The following TRIP10 variants were observed in gnomAD, a reference collection of about 807,000 sequenced individuals.
TRIP10 encodes the protein cdc42-interacting protein 4.
TRIP10 carries 54 observed loss-of-function variants against 80.9 expected under a neutral mutation model. The observed-to-expected ratio is 0.67, with a 90% CI of 0.54 to 0.84. The LOEUF (loss-of-function observed/expected upper bound fraction) is 0.84. Among genes scored for constraint, TRIP10 ranks in the 40% least tolerant of loss-of-function variants. The pLI, the probability that TRIP10 is intolerant of heterozygous loss-of-function variation, is 0.00. For missense variants in TRIP10, 773 were observed against 815.3 expected (o/e 0.95, Z 0.63); for synonymous variants, 321 against 307.2 (o/e 1.04, Z -0.47).
At position 6,745,085 on chromosome 19, in the gene TRIP10, CG is replaced by C. The variant is rs1463191547; in HGVS notation, c.984+92del. 6 of 1,450,290 alleles carry C rather than the reference CG, an allele frequency of 4.1e-6. No individual in the cohort carries two copies. In the African/African-American group the frequency reaches 8.5e-5, roughly 21 times the overall value. The allele number at this position is 1,450,290 out of a possible 1,614,324, so 89.8% of individuals were successfully genotyped here. A position where few individuals can be genotyped will look rare whatever the true frequency, so the allele number is the denominator to read the frequency against. ...ATTGAGTCAGCCCCAGCCGCCTGAA[CG>C]CCGAGTCTCGGGCAGGAATTTTCCT... On this transcript the variant is annotated intron_variant, in intron 9 of 14. Transcript: ENST00000313244. This position sits in a 1 kb window ranked among gnomAD's most constrained non-coding sequence, Gnocchi z 7.2.
chr19:6,750,608 C>G lies in TRIP10; in HGVS notation c.1632C>G (p.His544Gln). The G allele has an allele frequency of 6.2e-7, 1 of 1,614,224 alleles. No individual in the cohort carries two copies. Among genetic ancestry groups the G allele is most frequent in the Non-Finnish European group, 8.5e-7 (1 of 1,180,028 alleles). Residue 544 changes from histidine to glutamine, a missense_variant, in exon 14 of 15, where the codon CAC (histidine) becomes CAG (glutamine). Coordinates refer to ENST00000313244, the MANE Select transcript of TRIP10 (RefSeq NM_001288962.2). The part of the protein sequence containing the change: ...FEEEPTSPIG[H>Q]CVAIYHFEGS... ...AGGAACCCACATCCCCCATAGGTCA[C>G]TGTGTGGCCATCTACCACTTTGAAG...
In TRIP10 at chr19:6,745,098, G is replaced by A; in HGVS notation, c.984+104G>A. ...CAGCCGCCTGAACGCCGAGTCTCGG[G>A]CAGGAATTTTCCTCTTGGCTGCCAG... On this transcript the variant is annotated intron_variant, in intron 9 of 14. Coordinates refer to ENST00000313244, the MANE Select transcript of TRIP10 (RefSeq NM_001288962.2). This position sits in a 1 kb window ranked among gnomAD's most constrained non-coding sequence, Gnocchi z 7.2. The A allele has an allele frequency of 7.1e-7, 1 of 1,401,010 alleles. No homozygotes were observed. Among genetic ancestry groups the A allele is most frequent in the Non-Finnish European group, 9.4e-7 (1 of 1,062,796 alleles). 86.8% of individuals were successfully genotyped at this position (1,401,010 alleles called of 1,614,324 possible). A position where few individuals can be genotyped will look rare whatever the true frequency, so the allele number is the denominator to read the frequency against.
At chr19:6,743,621 G>GGGGGGGGGGA in intron 6 of TRIP10, 23 bp downstream of exon 6, 1 of 1,379,036 alleles carries the variant, frequency 7.3e-7, no homozygotes, top group Non-Finnish European at 1.0e-6. Context: ...GGGGCGGGGG[G>GGGGGGGGGGA]GGGGTGCGGG....
rs1968968858 is a variant in TRIP10 at position 6,743,045 on chromosome 19, G to A, written c.276G>A (p.Glu92=). 3 of 1,614,174 alleles carry A rather than the reference G, an allele frequency of 1.9e-6. No individual in the cohort carries two copies. The highest frequency in any genetic ancestry group is 4.5e-5 in the East Asian group (2 of 44,872). Reference sequence around the variant, plus strand: ...CAGGCCAGCGGGAGCTGGTGGCTGAGAACCTCAGTGTCCGTGTATGTCTTG... The same window carrying A: ...CAGGCCAGCGGGAGCTGGTGGCTGAAAACCTCAGTGTCCGTGTATGTCTTG... ...DFAGQRELVA[E]NLSVRVCLEL... is the part of the protein sequence containing the mutation. The change falls in exon 4 of 15, where the codon GAG becomes GAA. Residue 92 remains glutamate, a synonymous_variant. Coordinates refer to ENST00000313244, the MANE Select transcript of TRIP10 (RefSeq NM_001288962.2).
intron 3 of TRIP10, among the ~76,000 whole-genome samples, 187 bp from the exon 4 acceptor site, chr19:6,742,779 CA>C (rs151261595): frequency 0.021 from 2,570 of 121,650 alleles, 22 homozygotes; most frequent in Non-Finnish European, 0.027. Context: ...GACCCTGTCT[CA>C]AAAAAAAAAA....
At chr19:6,747,273 G>A (rs1969165079) in intron 11 of TRIP10, among the ~76,000 whole-genome samples, 1 of 151,980 alleles carries the variant, frequency 6.6e-6, no homozygotes, top group South Asian at 2.1e-4. Flanking sequence ...ACAGTGAGCT[G>A]TGACTGCACC....
In TRIP10 at chr19:6,751,347, C is replaced by A; in HGVS notation, c.*136C>A. 6.7e-7 allele frequency: 1 copy of A among 1,488,348 alleles called. No individual in the cohort carries two copies. The highest frequency in any genetic ancestry group is 9.0e-7 in the Non-Finnish European group (1 of 1,112,444). The allele number at this position is 1,488,348 out of a possible 1,614,324, so 92.2% of individuals were successfully genotyped here. A position where few individuals can be genotyped will look rare whatever the true frequency, so the allele number is the denominator to read the frequency against. ...TGTAACCTGCTGCCCCCTCCACCCC[C>A]AACCCAGTCCTACCTGTCACACCGG... is the stretch of plus-strand genomic sequence containing the variant. On this transcript the variant is annotated 3_prime_UTR_variant, in exon 15 of 15. Coordinates refer to ENST00000313244, the MANE Select transcript of TRIP10 (RefSeq NM_001288962.2).
chr19:6,741,122 T>C lies in TRIP10; in HGVS notation c.137T>C (p.Leu46Pro). Residue 46 changes from leucine (L) to proline (P), a missense_variant, in exon 2 of 15, where the codon CTG (leucine) becomes CCG (proline). By Grantham distance (98) the Leu-to-Pro change is moderately conservative. Coordinates refer to ENST00000313244, the MANE Select transcript of TRIP10 (RefSeq NM_001288962.2). The part of the protein sequence containing the change: ...TEVEQAYAKQ[L>P]RSLVKKYLPK... ...GTGGAACAGGCTTACGCCAAACAAC[T>C]GCGGTGAGACCCTGGGGTGGACGCT... 6.2e-7 allele frequency: 1 copy of C among 1,614,118 alleles called. No individual in the cohort carries two copies.
chr19:6,746,056 G>C lies in TRIP10; in HGVS notation c.1012G>C (p.Gly338Arg). The C allele has an allele frequency of 1.5e-6, 2 of 1,326,340 alleles. No individual in the cohort carries two copies. Among genetic ancestry groups the C allele is most frequent in the Non-Finnish European group, 9.7e-7 (1 of 1,031,128 alleles). The allele number at this position is 1,326,340 out of a possible 1,614,324, so 82.2% of individuals were successfully genotyped here. ...TCGCCCCCCACCCCTCTCCCCCCTG[G>C]GGGGCCCCGTACCCTCGGCATTGCC... is the stretch of plus-strand genomic sequence containing the variant. ...KPRPPPLSPL[G>R]GPVPSALPNG... is the part of the protein sequence containing the mutation. The change falls in exon 10 of 15, where the codon GGG (glycine) becomes CGG (arginine). Residue 338 changes from glycine (G) to arginine (R), a missense_variant. By Grantham distance (125) the Gly-to-Arg change is moderately radical (BLOSUM62 -2). Coordinates refer to ENST00000313244, the MANE Select transcript of TRIP10 (RefSeq NM_001288962.2). The surrounding 1 kb of genome is among the most constrained non-coding windows in gnomAD (Gnocchi z 6.2).
At chr19:6,742,899 C>A in intron 3 of TRIP10, 68 bp from the exon 4 acceptor site, 1 of 1,586,206 alleles carries the variant, frequency 6.3e-7, no homozygotes, top group Non-Finnish European at 8.6e-7. Context: ...GGAGGTGCGT[C>A]CTGGGGCATC....
At chr19:6,749,199 C>T (rs181235814) in intron 11 of TRIP10, among the ~76,000 whole-genome samples, 3 of 152,278 alleles carry the variant, frequency 2.0e-5, no homozygotes, top group Admixed American at 1.3e-4. Flanking sequence ...ACCTCAGCCT[C>T]CCAAAATAAT....
In TRIP10 at chr19:6,751,525, G is replaced by A. The variant is rs1969309181; in HGVS notation, c.*314G>A. 1 of 508,802 alleles carries A rather than the reference G, an allele frequency of 2.0e-6. No homozygotes were observed. Among genetic ancestry groups the A allele is most frequent in the Non-Finnish European group, 3.1e-6 (1 of 321,864 alleles). The allele number at this position is 508,802 out of a possible 1,614,324, so 31.5% of individuals were successfully genotyped here. On this transcript the variant is annotated 3_prime_UTR_variant, in exon 15 of 15. Coordinates refer to ENST00000313244, the MANE Select transcript of TRIP10 (RefSeq NM_001288962.2). ...ATTATATAAAGTTCCTAGAGTCGGT[G>A]TCTTATTAGAGGATTTAAATACTGG...
chr19:6,740,214 A>C (rs1968868828), intron 1 of TRIP10, among the ~76,000 whole-genome samples: 1 of 152,086 alleles, frequency 6.6e-6, no homozygotes, highest in African/African-American at 2.4e-5. Context: ...AGAAGTCCTG[A>C]CCGCCCTTTC....
In TRIP10 at chr19:6,750,321, C is replaced by G. The variant is rs1969248905; in HGVS notation, c.1425C>G (p.Val475=). 2 of 1,614,086 alleles carry G rather than the reference C, an allele frequency of 1.2e-6. No individual in the cohort carries two copies. Among genetic ancestry groups the G allele is most frequent in the East Asian group, 4.5e-5 (2 of 44,858 alleles). Reference sequence around the variant, plus strand: ...GGCTGGCAGAAGCTGAAAGTCGAGTCCTTAGCAACCGGGGAGACAGCCTGA... The same window carrying G: ...GGCTGGCAGAAGCTGAAAGTCGAGTGCTTAGCAACCGGGGAGACAGCCTGA... ...EAWLAEAESR[V]LSNRGDSLSR... is the part of the protein sequence containing the mutation. The change falls in exon 13 of 15, where the codon GTC becomes GTG. Residue 475 remains valine (V), a synonymous_variant. Transcript: ENST00000313244.
In TRIP10 at chr19:6,744,744, G is replaced by A. The variant is rs1568252196; in HGVS notation, c.789+44G>A. ...TCCACTGGGCTACGGGAAGGGCAGAGGGAGGTACCCATAGGCTAGGCACTC... is the reference window on the plus strand; with the variant it reads ...TCCACTGGGCTACGGGAAGGGCAGAAGGAGGTACCCATAGGCTAGGCACTC... On this transcript the variant is annotated intron_variant, in intron 8 of 14. Transcript: ENST00000313244. The surrounding 1 kb of genome is among the most constrained non-coding windows in gnomAD (Gnocchi z 4.9). 6.3e-7 allele frequency: 1 copy of A among 1,593,430 alleles called. No individual in the cohort carries two copies. Among genetic ancestry groups the A allele is most frequent in the Admixed American group, 1.7e-5 (1 of 58,570 alleles).
chr19:6,745,294 A>G lies in TRIP10; in HGVS notation c.984+300A>G. The G allele has an allele frequency of 4.7e-6, 2 of 423,306 alleles. No individual in the cohort carries two copies. The highest frequency in any genetic ancestry group is 3.5e-5 in the South Asian group (1 of 28,834). 26.2% of individuals were successfully genotyped at this position (423,306 alleles called of 1,614,324 possible). Reference sequence around the variant, plus strand: ...GGCTGGCCTGAGGGCTGGTGACACCATCCCTGGGGACTCCCCGAGTTTCTC... The same window carrying G: ...GGCTGGCCTGAGGGCTGGTGACACCGTCCCTGGGGACTCCCCGAGTTTCTC... On this transcript the variant is annotated intron_variant, in intron 9 of 14. Transcript: ENST00000313244. The surrounding 1 kb of genome is among the most constrained non-coding windows in gnomAD (Gnocchi z 7.2).
chr19:6,743,169 AGCCT>A (rs781282914), intron 4 of TRIP10, 21 bp from the exon 5 acceptor site: 20 of 1,613,988 alleles, frequency 1.2e-5, no homozygotes, highest in Non-Finnish European at 1.7e-5. Flanking sequence ...AACCCTGGCG[AGCCT>A]TATCACTCTT....
At position 6,739,771 on chromosome 19, in the gene TRIP10, G is replaced by A. The variant is rs1443847178; in HGVS notation, c.10G>A (p.Gly4Ser). The stretch of plus-strand genomic sequence containing the variant: ...CGGCGGCGGGAGCAGCATGGATTGG[G>A]GCACTGAGCTGTGGGTAAGTCCAAT... The part of the protein sequence containing the change: MDW[G>S]TELWDQFEVL... The change falls in exon 1 of 15, where the codon GGC becomes AGC. Residue 4 changes from glycine (G) to serine (S), a missense_variant. Gly to Ser is a moderately conservative substitution (Grantham distance 56). Coordinates refer to ENST00000313244, the MANE Select transcript of TRIP10 (RefSeq NM_001288962.2). 2.1e-6 allele frequency: 3 copies of A among 1,460,188 alleles called. No homozygotes were observed. The highest frequency in any genetic ancestry group is 2.9e-5 in the South Asian group (2 of 68,332). The allele number at this position is 1,460,188 out of a possible 1,614,324, so 90.5% of individuals were successfully genotyped here.
Position 6,746,014 on chromosome 19 carries a change from G to A in TRIP10, c.985-15G>A, listed in dbSNP as rs1051512932. The A allele has an allele frequency of 3.0e-5, 6 of 197,900 alleles. No individual in the cohort carries two copies. The highest frequency in any genetic ancestry group is 3.5e-5 in the Non-Finnish European group (6 of 169,998). 12.3% of individuals were successfully genotyped at this position (197,900 alleles called of 1,614,324 possible). Reference sequence around the variant, plus strand: ...ACCCCTTCAACCTATCCCCCTCCCCGGCCCCCGCCGGTAGCCTCGCCCCCC... The same window carrying A: ...ACCCCTTCAACCTATCCCCCTCCCCAGCCCCCGCCGGTAGCCTCGCCCCCC... On this transcript the variant is annotated splice_polypyrimidine_tract_variant and intron_variant, in intron 9 of 14. Coordinates refer to ENST00000313244, the MANE Select transcript of TRIP10 (RefSeq NM_001288962.2). The surrounding 1 kb of genome is among the most constrained non-coding windows in gnomAD (Gnocchi z 6.2).
Sources: gnomAD v4.1 joint callset for allele counts (sites outside exome capture counted in the v4.1 genomes callset) on GRCh38, gnomAD v4.1.1 for gene constraint, Gnocchi (gnomAD v3.1) non-coding constraint, MANE v1.5 for transcripts, NCBI Gene and HGNC (gene_info 2026-07-23, HGNC 2026-07-21) for gene names.